CINP: variants seen among roughly 807,000 people sequenced by gnomAD.
CINP encodes cyclin dependent kinase 2 interacting protein, also known as cyclin-dependent kinase 2-interacting protein.
CINP carries 11 observed loss-of-function variants against 20.5 expected under a neutral mutation model. The ratio of observed to expected loss-of-function variants is 0.54; its 90% CI spans 0.34 to 0.89. The LOEUF (loss-of-function observed/expected upper bound fraction) is 0.89, where lower values mean the gene tolerates loss of function less well. Among genes scored for constraint, CINP ranks in the 40% least tolerant of loss-of-function variants. CINP has a pLI of 0.02. For missense variants in CINP, 213 were observed against 251.0 expected (o/e 0.85, Z 1.02); for synonymous variants, 108 against 102.1 (o/e 1.06, Z -0.35).
chr14:102,355,659 A>G, intron 3 of CINP, 109 bp downstream of exon 3: 1 of 1,250,646 alleles, frequency 8.0e-7, no homozygotes, highest in Non-Finnish European at 1.1e-6. Context: ...AGAGAACATC[A>G]GAGGAGACTG....
intron 2 of CINP, among the ~76,000 whole-genome samples, chr14:102,356,891 G>A (rs1887009536): frequency 6.6e-6 from 1 of 152,062 alleles, no homozygotes; most frequent in African/African-American, 2.4e-5. Context: ...ATCTCCTTGG[G>A]CCTCCCTGTT....
In CINP at chr14:102,348,382, C is replaced by T. The variant is rs999762152; in HGVS notation, c.*175G>A. 4.1e-5 allele frequency: 25 copies of T among 610,840 alleles called. No homozygotes were observed. Among genetic ancestry groups the T allele is most frequent in the African/African-American group, 1.3e-4 (7 of 54,214 alleles). The allele number at this position is 610,840 out of a possible 1,614,324, so 37.8% of individuals were successfully genotyped here. On this transcript the variant is annotated 3_prime_UTR_variant, in exon 5 of 5. Transcript: ENST00000216756. The stretch of plus-strand genomic sequence containing the variant: ...GAGCAGCACCACGTGGGGCTGGCCG[C>T]GGGTTGTGGGCATGAGCACGCCTGG...
intron 1 of CINP, among the ~76,000 whole-genome samples, chr14:102,361,292 G>T (rs915625204): frequency 6.6e-6 from 1 of 152,146 alleles, no homozygotes; most frequent in African/African-American, 2.4e-5. Context: ...GAAATAGACA[G>T]AAAAGGACTA....
chr14:102,362,722 G>A (rs2139639147), intron 1 of CINP, 123 bp downstream of exon 1: 1 of 1,329,474 alleles, frequency 7.5e-7, no homozygotes, highest in East Asian at 2.4e-5. Flanking sequence ...GCTGGGGTAA[G>A]ACAGAGGACC....
At position 102,351,525 on chromosome 14, in the gene CINP, G is replaced by C. The variant is rs948882391; in HGVS notation, c.307-1477C>G. Among the ~76,000 whole-genome samples, 5 of 152,098 alleles carry C rather than the reference G, an allele frequency of 3.3e-5. No homozygotes were observed. Among genetic ancestry groups the C allele is most frequent in the Admixed American group, 6.5e-5 (1 of 15,272 alleles). On this transcript the variant is annotated intron_variant, in intron 3 of 4. Coordinates refer to ENST00000216756, the MANE Select transcript of CINP (RefSeq NM_032630.3). The surrounding 1 kb of genome is among the most constrained non-coding windows in gnomAD (Gnocchi z 4.2). ...GATTTAAGTAGCATAGGTCTATAAA[G>C]ACCAAATTTTGAACTCCTAAGTATA...
chr14:102,362,490 A>G, intron 1 of CINP: 3 of 698,766 alleles, frequency 4.3e-6, no homozygotes, highest in South Asian at 1.5e-5. Context: ...GGCAGTTCAG[A>G]GAGGAGTTTC....
chr14:102,362,816 AC>A, intron 1 of CINP, 28 bp downstream of exon 1: 2 of 1,613,438 alleles, frequency 1.2e-6, no homozygotes, highest in Non-Finnish European at 1.7e-6. Context: ...CAGCCACCCC[AC>A]CCCGGGAAAG....
Position 102,359,234 on chromosome 14 carries a change from A to ATATATATATATATATATT in CINP, c.176+184_176+185insAATATATATATATATATA, listed in dbSNP as rs1555446400. ...TAAATAAATAAATAACTAAATATAT[A>ATATATATATATATATATT]TATATATATATATATATATGGAATA... On this transcript the variant is annotated intron_variant, in intron 2 of 4. Coordinates refer to ENST00000216756, the MANE Select transcript of CINP (RefSeq NM_032630.3). Among the ~76,000 whole-genome samples, 23 of 118,496 alleles carry ATATATATATATATATATT rather than the reference A, an allele frequency of 1.9e-4. 2 individuals carry two copies. The East Asian group carries it at 4.9e-3, about 25-fold the overall frequency. 77.7% of individuals were successfully genotyped at this position (118,496 alleles called of 152,430 possible).
chr14:102,358,975 C>A (rs745830010), intron 2 of CINP, among the ~76,000 whole-genome samples: 1 of 151,838 alleles, frequency 6.6e-6, no homozygotes, highest in African/African-American at 2.4e-5. Context: ...GAGGCTGAGG[C>A]AGGTGGATCA....
rs753793207 is a variant in CINP at position 102,348,680 on chromosome 14, G to T, written c.516C>A (p.His172Gln). Reference protein sequence around the residue: ...LKRTVAKELAHTGDPDLTLSY... With the variant: ...LKRTVAKELAQTGDPDLTLSY... Reference sequence around the variant, plus strand: ...TCAGGGTGAGGTCGGGATCCCCGGTGTGGGCAAGCTCCTTGGCCACCGTGC... The same window carrying T: ...TCAGGGTGAGGTCGGGATCCCCGGTTTGGGCAAGCTCCTTGGCCACCGTGC... Residue 172 changes from histidine to glutamine, a missense_variant, in exon 5 of 5, where the codon CAC (histidine) becomes CAA (glutamine). Coordinates refer to ENST00000216756, the MANE Select transcript of CINP (RefSeq NM_032630.3). The T allele has an allele frequency of 6.2e-7, 1 of 1,614,072 alleles. No homozygotes were observed. Among genetic ancestry groups the T allele is most frequent in the South Asian group, 1.1e-5 (1 of 91,024 alleles).
intron 2 of CINP, among the ~76,000 whole-genome samples, chr14:102,358,752 C>A (rs533982708): frequency 6.6e-6 from 1 of 151,820 alleles, no homozygotes; most frequent in African/African-American, 2.4e-5. Context: ...TTTTTGTTTA[C>A]GTAAAATCCA....
At position 102,348,511 on chromosome 14, in the gene CINP, C is replaced by A; in HGVS notation, c.*46G>T. On this transcript the variant is annotated 3_prime_UTR_variant, in exon 5 of 5. Coordinates refer to ENST00000216756, the MANE Select transcript of CINP (RefSeq NM_032630.3). The stretch of plus-strand genomic sequence containing the variant: ...ACTGGGTCCTAGGCAGACTGTCTGC[C>A]TGGTGAGACGTGGAAGGAGCCAGTG... 1.3e-6 allele frequency: 2 copies of A among 1,538,918 alleles called. No individual in the cohort carries two copies. Among genetic ancestry groups the A allele is most frequent in the Non-Finnish European group, 1.8e-6 (2 of 1,133,108 alleles).
In CINP at chr14:102,350,727, CTCTTT is replaced by C. The variant is rs576072167; in HGVS notation, c.307-684_307-680del. ...CTCGTTTCTGATGCTCTCTCTCTCT[CTCTTT>C]TATCAAATGAGCTCGTTTCTGAGGC... On this transcript the variant is annotated intron_variant, in intron 3 of 4. Transcript: ENST00000216756. Among the ~76,000 whole-genome samples, 901 of 151,948 alleles carry C rather than the reference CTCTTT, an allele frequency of 5.9e-3. 11 individuals are homozygous for C. Among genetic ancestry groups the C allele is most frequent in the African/African-American group, 0.02 (827 of 41,422 alleles).
rs758143734 is a variant in CINP, at chr14:102,348,579, T to TC, written c.616dup (p.Glu206GlyfsTer11). ...ACGTCAGAGAGCTCGGTGGCCTGTCTCCAGCAGCATGCTCTCCAGATGCAG... is the reference window on the plus strand; with the variant it reads ...ACGTCAGAGAGCTCGGTGGCCTGTCTCCCAGCAGCATGCTCTCCAGATGCAG... On this transcript the variant is annotated frameshift_variant, in exon 5 of 5. Transcript: ENST00000216756. LOFTEE classifies it high-confidence loss of function. 1 of 1,612,154 alleles carries TC rather than the reference T, an allele frequency of 6.2e-7. No individual in the cohort carries two copies. The highest frequency in any genetic ancestry group is 8.5e-7 in the Non-Finnish European group (1 of 1,179,508).
intron 3 of CINP, 92 bp from the exon 4 acceptor site, chr14:102,350,140 A>T (rs1886835443): frequency 8.3e-7 from 1 of 1,204,388 alleles, no homozygotes; most frequent in East Asian, 2.4e-5. Flanking sequence ...AAGAAGTGTA[A>T]GTCTATTATG....
chr14:102,358,568 C>G (rs1294628610), intron 2 of CINP, among the ~76,000 whole-genome samples: 3 of 152,132 alleles, frequency 2.0e-5, no homozygotes, highest in African/African-American at 7.2e-5. Flanking sequence ...GTAATTCTAG[C>G]TACTCAGGAG....
At chr14:102,354,275 T>C (rs958407380) in intron 3 of CINP, among the ~76,000 whole-genome samples, 1 of 152,190 alleles carries the variant, frequency 6.6e-6, no homozygotes, top group Non-Finnish European at 1.5e-5. Context: ...TTTAGTCTCT[T>C]ACGTGCTGTA....
At chr14:102,349,236 A>G (rs765495337) in intron 4 of CINP, among the ~76,000 whole-genome samples, 7 of 152,216 alleles carry the variant, frequency 4.6e-5, no homozygotes, top group Non-Finnish European at 1.0e-4. Flanking sequence ...CAGGCGTGAC[A>G]GAGCGAGACT....
intron 3 of CINP, among the ~76,000 whole-genome samples, chr14:102,355,211 G>A (rs1886969790): frequency 6.6e-6 from 1 of 152,022 alleles, no homozygotes; most frequent in Non-Finnish European, 1.5e-5. Context: ...GGCTGGCCCT[G>A]GAAGCCTAAA....
Sources: gnomAD v4.1 joint callset for allele counts (sites outside exome capture counted in the v4.1 genomes callset) on GRCh38, gnomAD v4.1.1 for gene constraint, Gnocchi (gnomAD v3.1) non-coding constraint, MANE v1.5 for transcripts, NCBI Gene and HGNC (gene_info 2026-07-23, HGNC 2026-07-21) for gene names.